The following EPHB1 variants were observed in gnomAD, a reference collection of about 807,000 sequenced individuals.
EPHB1 encodes the protein EPH receptor B1.
In EPHB1, 30 loss-of-function variants were observed where a neutral mutation model predicts 94.4. The ratio of observed to expected loss-of-function variants is 0.32; its 90% CI spans 0.24 to 0.43. EPHB1 has a LOEUF of 0.43. Ranked by LOEUF, EPHB1 falls within the 20% of genes least tolerant of loss-of-function variation. The pLI, the probability that EPHB1 is intolerant of heterozygous loss-of-function variation, is 1.00. For synonymous variants in EPHB1, 522 were observed against 489.1 expected (o/e 1.07, Z -0.89); for missense variants, 1,055 against 1,308.3 (o/e 0.81, Z 2.99).
chr3:134,868,079 G>T (rs563675845), intron 1 of EPHB1, among the ~76,000 whole-genome samples: 1 of 152,300 alleles, frequency 6.6e-6, no homozygotes, highest in South Asian at 2.1e-4. Context: ...ATGAGTTAAG[G>T]TTTAATGAAA....
chr3:134,889,748 G>A (rs748468738), intron 1 of EPHB1, among the ~76,000 whole-genome samples: 7 of 151,106 alleles, frequency 4.6e-5, no homozygotes, highest in East Asian at 2.0e-4. Flanking sequence ...CGCGATCTCC[G>A]CTTGCTGCAA....
At chr3:135,046,225 T>C (rs544875392) in intron 3 of EPHB1, among the ~76,000 whole-genome samples, 2 of 152,372 alleles carry the variant, frequency 1.3e-5, no homozygotes, top group African/African-American at 4.8e-5. Flanking sequence ...AAAAGAGCCA[T>C]GAGACCAAAA....
intron 3 of EPHB1, among the ~76,000 whole-genome samples, chr3:135,021,716 A>C (rs777613139): frequency 6.6e-6 from 1 of 152,190 alleles, no homozygotes; most frequent in Non-Finnish European, 1.5e-5. Context: ...GTGAAGGGGA[A>C]TAAGATTATT....
At chr3:135,154,107 A>G (rs1349969110) in intron 5 of EPHB1, 45 bp from the exon 6 acceptor site, 4 of 1,612,032 alleles carry the variant, frequency 2.5e-6, no homozygotes, top group Non-Finnish European at 3.4e-6. Flanking sequence ...CTTCCCCTAT[A>G]ATTGAGTGTC....
intron 3 of EPHB1, among the ~76,000 whole-genome samples, chr3:134,998,727 C>T (rs773933180): frequency 3.3e-5 from 5 of 152,174 alleles, no homozygotes; most frequent in Admixed American, 6.6e-5. Flanking sequence ...GTCTTTTCCT[C>T]CACCATTTGT....
intron 11 of EPHB1, among the ~76,000 whole-genome samples, chr3:135,196,793 T>C (rs1330718328): frequency 6.6e-6 from 1 of 152,176 alleles, no homozygotes; most frequent in African/African-American, 2.4e-5. Flanking sequence ...TGAATCAGCA[T>C]CTGAGAGATA....
chr3:134,948,445 A>G (rs547084325), intron 2 of EPHB1, among the ~76,000 whole-genome samples: 2 of 152,254 alleles, frequency 1.3e-5, no homozygotes, highest in East Asian at 3.9e-4. Flanking sequence ...AAACATTGTC[A>G]GTGACTTCTC....
chr3:135,101,274 T>A (rs929820437), intron 3 of EPHB1, among the ~76,000 whole-genome samples: 3 of 152,208 alleles, frequency 2.0e-5, no homozygotes, highest in African/African-American at 7.2e-5. Flanking sequence ...CTTCTCCTGT[T>A]CTTCCACCTC....
chr3:135,140,412 T>C (rs561076669), intron 5 of EPHB1, among the ~76,000 whole-genome samples: 1 of 152,290 alleles, frequency 6.6e-6, no homozygotes, highest in East Asian at 1.9e-4. Flanking sequence ...GTACCTGAAA[T>C]ATAGAAAGCA....
At chr3:135,079,048 G>A (rs1486529203) in intron 3 of EPHB1, among the ~76,000 whole-genome samples, 2 of 151,988 alleles carry the variant, frequency 1.3e-5, no homozygotes, top group Non-Finnish European at 2.9e-5. Context: ...TTCTGGGTTA[G>A]GAGTGTATCA....
chr3:135,175,208 A>G (rs1052157883), intron 9 of EPHB1, among the ~76,000 whole-genome samples: 4 of 152,088 alleles, frequency 2.6e-5, no homozygotes, highest in East Asian at 1.9e-4. Flanking sequence ...TACACTCTAC[A>G]TGTCTACAAC....
chr3:134,808,455 A>T (rs1013906232), intron 1 of EPHB1, among the ~76,000 whole-genome samples: 3 of 152,154 alleles, frequency 2.0e-5, no homozygotes, highest in African/African-American at 7.2e-5. Flanking sequence ...GCTGGTCACA[A>T]AACTGTCAGG....
chr3:134,980,352 C>A lies in EPHB1; in HGVS notation c.805+28300C>A, dbSNP rs529487858. The stretch of plus-strand genomic sequence containing the variant: ...AGTGAAGAAGGAAAAAGCTTTATGG[C>A]TTTTATGACTCAGTCTCAGAAATCA... On this transcript the variant is annotated intron_variant, in intron 3 of 15. Transcript: ENST00000398015. Among the ~76,000 whole-genome samples, 61 of 152,210 alleles carry A rather than the reference C, an allele frequency of 4.0e-4. 1 individual carries two copies. Among genetic ancestry groups the A allele is most frequent in the African/African-American group, 1.5e-3 (61 of 41,534 alleles).
chr3:135,102,670 C>T (rs1297721314), intron 3 of EPHB1, among the ~76,000 whole-genome samples: 2 of 152,172 alleles, frequency 1.3e-5, no homozygotes, highest in South Asian at 2.1e-4. Context: ...TATAAAGACA[C>T]ATGCACACGT....
chr3:135,106,389 G>A, intron 3 of EPHB1, 59 bp from the exon 4 acceptor site: 1 of 1,593,370 alleles, frequency 6.3e-7, no homozygotes, highest in Non-Finnish European at 8.6e-7. Flanking sequence ...CCGGTTGTAG[G>A]GAAGAGTTTC....
intron 2 of EPHB1, among the ~76,000 whole-genome samples, chr3:134,940,979 C>T (rs893693036): frequency 6.6e-6 from 1 of 152,116 alleles, no homozygotes; most frequent in Non-Finnish European, 1.5e-5. Flanking sequence ...TCAACAGAGG[C>T]CAAAAAGCCT....
chr3:134,983,915 C>T (rs547161143), intron 3 of EPHB1, among the ~76,000 whole-genome samples: 6 of 152,268 alleles, frequency 3.9e-5, no homozygotes, highest in South Asian at 4.2e-4. Context: ...CTTTGGTCCC[C>T]GCAATTCATC....
intron 9 of EPHB1, among the ~76,000 whole-genome samples, chr3:135,168,459 C>T (rs1460577894): frequency 6.6e-6 from 1 of 152,226 alleles, no homozygotes; most frequent in Non-Finnish European, 1.5e-5. Flanking sequence ...GTTCTCTTTC[C>T]TTTCCTATGG....
At chr3:135,188,368 G>A (rs1481866338) in intron 10 of EPHB1, among the ~76,000 whole-genome samples, 7 of 151,994 alleles carry the variant, frequency 4.6e-5, no homozygotes, top group Admixed American at 2.6e-4. Flanking sequence ...TGTGGTGGGC[G>A]CCAGTAATCC....
Sources: gnomAD v4.1 joint callset for allele counts (sites outside exome capture counted in the v4.1 genomes callset) on GRCh38, gnomAD v4.1.1 for gene constraint, MANE v1.5 for transcripts, NCBI Gene and HGNC (gene_info 2026-07-23, HGNC 2026-07-21) for gene names.